Variants in MTMR2 observed in about 807,000 individuals in gnomAD.
MTMR2 encodes the protein myotubularin related protein 2, also known as phosphatidylinositol-3,5-bisphosphate 3-phosphatase MTMR2.
In MTMR2, 55 loss-of-function variants were observed where a neutral mutation model predicts 86.9. The ratio of observed to expected loss-of-function variants is 0.63; its 90% confidence interval spans 0.51 to 0.79. The LOEUF is 0.79. Ranked by LOEUF, MTMR2 falls within the 30% of genes least tolerant of loss-of-function variation. MTMR2 has a pLI of 0.00. For missense variants in MTMR2, 659 were observed against 772.3 expected (o/e 0.85, Z 1.74); for synonymous variants, 241 against 266.8 (o/e 0.90, Z 0.94).
At chr11:95,854,685 C>T (rs1285865658) in intron 7 of MTMR2, among the ~76,000 whole-genome samples, 4 of 151,294 alleles carry the variant, frequency 2.6e-5, no homozygotes, top group Non-Finnish European at 4.4e-5. Context: ...AGGCTGGTGT[C>T]GAACTCCTGA....
chr11:95,842,516 A>G (rs938420614), intron 11 of MTMR2, among the ~76,000 whole-genome samples: 3 of 152,208 alleles, frequency 2.0e-5, no homozygotes, highest in Non-Finnish European at 2.9e-5. Flanking sequence ...CCCTCCAAGC[A>G]TGCAGTCATC....
chr11:95,855,529 G>C (rs1466655476), intron 7 of MTMR2, among the ~76,000 whole-genome samples: 1 of 152,200 alleles, frequency 6.6e-6, no homozygotes, highest in Non-Finnish European at 1.5e-5. Context: ...TGGGATTACA[G>C]GTGTGAGCCA....
At position 95,893,509 on chromosome 11, in the gene MTMR2, A is replaced by T. The variant is rs932602182; in HGVS notation, c.81-5248T>A. On this transcript the variant is annotated intron_variant, in intron 1 of 14. Transcript: ENST00000346299. ...GCCCACTTCGCTTCCCTTCCTAACC[A>T]TCAGTGTCCTTATATCCGTATCCAT... Among the ~76,000 whole-genome samples, 5 of 152,062 alleles carry T rather than the reference A, an allele frequency of 3.3e-5. No homozygotes were observed. The South Asian group carries it at 1.0e-3, about 32-fold the overall frequency.
At chr11:95,845,953 T>C (rs1863772792) in intron 10 of MTMR2, among the ~76,000 whole-genome samples, 1 of 149,874 alleles carries the variant, frequency 6.7e-6, no homozygotes, top group East Asian at 1.9e-4. Flanking sequence ...GTATTATACT[T>C]GAAAAACAGT....
At chr11:95,865,380 T>C (rs571512642) in intron 3 of MTMR2, 2 of 551,624 alleles carry the variant, frequency 3.6e-6, no homozygotes, top group Admixed American at 3.1e-5. Context: ...CAAAGTATAA[T>C]TCAATTTGCA....
intron 2 of MTMR2, among the ~76,000 whole-genome samples, chr11:95,879,473 A>G (rs1865244307): frequency 6.6e-6 from 1 of 152,172 alleles, no homozygotes; most frequent in African/African-American, 2.4e-5. Context: ...GTTTTTTACA[A>G]AGCATTATGT....
chr11:95,859,768 C>T (rs531049196), intron 5 of MTMR2, among the ~76,000 whole-genome samples: 87 of 152,276 alleles, frequency 5.7e-4, no homozygotes, highest in African/African-American at 2.0e-3. Context: ...TATTATGCCT[C>T]ATTTTGTAGA....
chr11:95,841,520 A>G, intron 12 of MTMR2, 97 bp downstream of exon 12: 1 of 874,458 alleles, frequency 1.1e-6, no homozygotes. Context: ...AAGAATTTCC[A>G]TTTAATGATC....
intron 1 of MTMR2, among the ~76,000 whole-genome samples, chr11:95,888,861 TAGG>T (rs1277928150): frequency 6.6e-6 from 1 of 152,036 alleles, no homozygotes; most frequent in Non-Finnish European, 1.5e-5. Flanking sequence ...TCTCAAAAGA[TAGG>T]AGATTATCAG....
intron 2 of MTMR2, among the ~76,000 whole-genome samples, chr11:95,871,147 T>A (rs532821884): frequency 6.6e-6 from 1 of 152,200 alleles, no homozygotes; most frequent in Non-Finnish European, 1.5e-5. Flanking sequence ...TGTTGGACAT[T>A]TGGGTTGGTT....
At chr11:95,853,529 A>C (rs1474558042) in intron 7 of MTMR2, among the ~76,000 whole-genome samples, 1 of 152,126 alleles carries the variant, frequency 6.6e-6, no homozygotes, top group Non-Finnish European at 1.5e-5. Flanking sequence ...AGCCCTCTAC[A>C]ATCCTGCTTT....
intron 2 of MTMR2, among the ~76,000 whole-genome samples, chr11:95,871,795 A>T (rs182947822): frequency 0.017 from 2,516 of 152,334 alleles, 31 homozygotes; most frequent in South Asian, 0.062. Context: ...TGTTTTAGAC[A>T]TGAAGTCCTT....
intron 1 of MTMR2, among the ~76,000 whole-genome samples, chr11:95,913,915 T>C (rs1050172294): frequency 1.3e-5 from 2 of 152,120 alleles, no homozygotes; most frequent in Non-Finnish European, 2.9e-5. Context: ...TTAGTATCTA[T>C]AACATTTTGC....
At chr11:95,879,237 A>G (rs1434977074) in intron 2 of MTMR2, among the ~76,000 whole-genome samples, 1 of 152,184 alleles carries the variant, frequency 6.6e-6, no homozygotes, top group East Asian at 1.9e-4. Context: ...ATGTGGAAGA[A>G]AGAGAGTGGG....
rs767737380 is a variant in MTMR2 at position 95,845,036 on chromosome 11, A to G, written c.1303T>C (p.Leu435=). Residue 435 remains leucine, a synonymous_variant, in exon 11 of 15, where the codon TTG becomes CTG. Coordinates refer to ENST00000346299, the MANE Select transcript of MTMR2 (RefSeq NM_016156.6). ...AQLTSLAMLM[L]DGYYRTIRGF... ...CGGATGGTTCGATAGTATCCATCCA[A>G]CATGAGCATGGCAAGGGAAGTGAGC... The G allele has an allele frequency of 2.0e-5, 33 of 1,613,874 alleles. No individual in the cohort carries two copies. The African/African-American group carries it at 4.3e-4, about 21-fold the overall frequency.
At position 95,865,617 on chromosome 11, in the gene MTMR2, T is replaced by C. The variant is rs1864585022; in HGVS notation, c.246A>G (p.Glu82=). The C allele has an allele frequency of 3.7e-6, 6 of 1,613,822 alleles. No individual in the cohort carries two copies. The highest frequency in any genetic ancestry group is 5.1e-6 in the Non-Finnish European group (6 of 1,179,732). ...ATTACGGACCCATGTCTTTAATATT[T>C]TCTCCTGGAAGCAAGGGTGGTTCTT... ...EMEEPPLLPG[E]NIKDMAKDVT... is the part of the protein sequence containing the mutation. Residue 82 remains glutamate, a synonymous_variant, in exon 3 of 15, where the codon GAA becomes GAG. Coordinates refer to ENST00000346299, the MANE Select transcript of MTMR2 (RefSeq NM_016156.6).
intron 1 of MTMR2, among the ~76,000 whole-genome samples, chr11:95,910,125 A>C (rs1384338054): frequency 7.6e-6 from 1 of 131,388 alleles, no homozygotes; most frequent in Non-Finnish European, 1.8e-5. Flanking sequence ...GCACGCATGC[A>C]CGCACACACA....
At chr11:95,914,463 T>C (rs577562892) in intron 1 of MTMR2, among the ~76,000 whole-genome samples, 9 of 152,234 alleles carry the variant, frequency 5.9e-5, no homozygotes, top group Non-Finnish European at 1.2e-4. Context: ...ATCTTCAAAA[T>C]GTAAAACTGT....
intron 11 of MTMR2, among the ~76,000 whole-genome samples, 191 bp from the exon 12 acceptor site, chr11:95,841,900 G>C (rs1303116846): frequency 1.3e-5 from 2 of 152,078 alleles, no homozygotes; most frequent in Non-Finnish European, 2.9e-5. Context: ...ATTCGAGATG[G>C]GTCTGGGCAA....
Sources: gnomAD v4.1 joint callset for allele counts (sites outside exome capture counted in the v4.1 genomes callset) on GRCh38, gnomAD v4.1.1 for gene constraint, MANE v1.5 for transcripts, NCBI Gene and HGNC (gene_info 2026-07-23, HGNC 2026-07-21) for gene names.